PHF12: variants seen among roughly 807,000 people sequenced by gnomAD.
The protein encoded by PHF12 is PHD finger protein 12, also known as PHD factor 1.
Under a neutral mutation model 99.8 loss-of-function variants are expected in PHF12, and 6 were observed. The observed-to-expected ratio is 0.06, with a 90% confidence interval of 0.03 to 0.12. The LOEUF (loss-of-function observed/expected upper bound fraction) is 0.12. Among genes scored for constraint, PHF12 ranks in the 10% least tolerant of loss-of-function variants. PHF12 has a pLI of 1.00. For missense variants in PHF12, 954 were observed against 1,300.1 expected (o/e 0.73, Z 4.09); for synonymous variants, 480 against 514.9 (o/e 0.93, Z 0.92).
chr17:28,910,678 A>G (rs543178630), intron 10 of PHF12: 1 of 433,930 alleles, frequency 2.3e-6, no homozygotes, highest in South Asian at 2.7e-5. Flanking sequence ...GAGGGCCTGG[A>G]TGTCTGATAT....
chr17:28,928,249 A>G (rs553854523), intron 2 of PHF12: 1 of 152,426 alleles, frequency 6.6e-6, no homozygotes, highest in East Asian at 1.9e-4. Context: ...ATCATGTGAA[A>G]CAGAAAAACC....
intron 2 of PHF12, among the ~76,000 whole-genome samples, chr17:28,943,278 C>A (rs76268364): frequency 0.017 from 2,526 of 152,242 alleles, 63 homozygotes; most frequent in African/African-American, 0.058. Flanking sequence ...AGTTACCATA[C>A]GACCCAGCAA....
At chr17:28,944,137 A>T (rs1021862372) in intron 2 of PHF12, among the ~76,000 whole-genome samples, 1 of 152,244 alleles carries the variant, frequency 6.6e-6, no homozygotes, top group African/African-American at 2.4e-5. Flanking sequence ...TTGAACCTTT[A>T]TATCTATTAA....
chr17:28,937,953 C>T (rs145636002), intron 2 of PHF12, among the ~76,000 whole-genome samples: 9 of 152,288 alleles, frequency 5.9e-5, no homozygotes, highest in African/African-American at 9.6e-5. Flanking sequence ...TTTTCTCACA[C>T]TCTTGGGAAC....
intron 2 of PHF12, among the ~76,000 whole-genome samples, chr17:28,945,746 A>AT (rs1385547697): frequency 1.3e-5 from 2 of 152,176 alleles, no homozygotes; most frequent in African/African-American, 2.4e-5. Flanking sequence ...TTTTTAACAG[A>AT]TTTTTTGGGA....
intron 2 of PHF12, among the ~76,000 whole-genome samples, chr17:28,947,778 T>C (rs898015285): frequency 7.9e-5 from 12 of 152,120 alleles, no homozygotes; most frequent in African/African-American, 2.9e-4. Flanking sequence ...GATAAGTCAA[T>C]GGTACATTCA....
At chr17:28,937,475 T>C (rs565621952) in intron 2 of PHF12, among the ~76,000 whole-genome samples, 1 of 152,218 alleles carries the variant, frequency 6.6e-6, no homozygotes, top group African/African-American at 2.4e-5. Context: ...TCAGTGAGAG[T>C]GTTAACAAGG....
chr17:28,931,886 T>G (rs2040416527), intron 2 of PHF12, among the ~76,000 whole-genome samples: 1 of 151,944 alleles, frequency 6.6e-6, no homozygotes, highest in African/African-American at 2.4e-5. Context: ...CTGGCCAAGA[T>G]TTGCTGCTTT....
At chr17:28,923,811 T>C (rs1598137602) in intron 4 of PHF12, 98 bp downstream of exon 4, 7 of 1,392,202 alleles carry the variant, frequency 5.0e-6, no homozygotes, top group Non-Finnish European at 6.8e-6. Context: ...CCCAAGACAG[T>C]AGCTACATGA....
At chr17:28,914,596 C>T (rs1273244505) in intron 7 of PHF12, among the ~76,000 whole-genome samples, 7 of 134,156 alleles carry the variant, frequency 5.2e-5, no homozygotes, top group African/African-American at 8.4e-5. Context: ...GGCATGAACC[C>T]GGGAGGCGGA....
Position 28,950,766 on chromosome 17 carries a change from G to A in PHF12, c.66+129C>T, listed in dbSNP as rs1013637950. Reference sequence around the variant, plus strand: ...CTAAATTGCAAAGAGGGGAGGGAGAGGCTAGGTGAGGAAGAATCCCCCTCC... The same window carrying A: ...CTAAATTGCAAAGAGGGGAGGGAGAAGCTAGGTGAGGAAGAATCCCCCTCC... On this transcript the variant is annotated intron_variant, in intron 1 of 14. Coordinates refer to ENST00000332830, the MANE Select transcript of PHF12 (RefSeq NM_001033561.2). The surrounding 1 kb of genome is among the most constrained non-coding windows in gnomAD (Gnocchi z 5.7). 1.0e-5 allele frequency: 14 copies of A among 1,353,298 alleles called. No homozygotes were observed. Among genetic ancestry groups the A allele is most frequent in the African/African-American group, 3.0e-5 (2 of 67,182 alleles). 83.8% of individuals were successfully genotyped at this position (1,353,298 alleles called of 1,614,324 possible).
rs1314988328 is a variant in PHF12 at position 28,905,631 on chromosome 17, G to C, written c.*552C>G. 2 of 152,660 alleles carry C rather than the reference G, an allele frequency of 1.3e-5. No homozygotes were observed. Among genetic ancestry groups the C allele is most frequent in the African/African-American group, 4.8e-5 (2 of 41,434 alleles). 9.5% of individuals were successfully genotyped at this position (152,660 alleles called of 1,614,324 possible). On this transcript the variant is annotated 3_prime_UTR_variant, in exon 15 of 15. Transcript: ENST00000332830. ...ATTTCTCATTTGTCCATAATACACAGTAGCTACCTGTAGTGCAACCGCTGC... is the reference window on the plus strand; with the variant it reads ...ATTTCTCATTTGTCCATAATACACACTAGCTACCTGTAGTGCAACCGCTGC...
chr17:28,906,166 C>T lies in PHF12; in HGVS notation c.*17G>A, dbSNP rs376336821. On this transcript the variant is annotated 3_prime_UTR_variant, in exon 15 of 15. Transcript: ENST00000332830. This position sits in a 1 kb window ranked among gnomAD's most constrained non-coding sequence, Gnocchi z 4.2. ...CTTGGGTGGGTGTACAGGCCAGTGG[C>T]GGGGTAGCCGCCAGTCCTAAGGAAC... 3.6e-5 allele frequency: 56 copies of T among 1,544,338 alleles called. No individual in the cohort carries two copies. Among genetic ancestry groups the T allele is most frequent in the Non-Finnish European group, 4.6e-5 (52 of 1,140,484 alleles).
chr17:28,911,906 G>T (rs1314848916), intron 9 of PHF12, among the ~76,000 whole-genome samples: 3 of 152,244 alleles, frequency 2.0e-5, no homozygotes, highest in Non-Finnish European at 4.4e-5. Context: ...CCGCCCTTTG[G>T]CATGTGGCCT....
In PHF12 at chr17:28,950,725, G is replaced by A. The variant is rs2040794955; in HGVS notation, c.66+170C>T. 1 of 958,972 alleles carries A rather than the reference G, an allele frequency of 1.0e-6. No homozygotes were observed. The highest frequency in any genetic ancestry group is 1.4e-6 in the Non-Finnish European group (1 of 690,968). The allele number at this position is 958,972 out of a possible 1,614,324, so 59.4% of individuals were successfully genotyped here. A position where few individuals can be genotyped will look rare whatever the true frequency, so the allele number is the denominator to read the frequency against. ...TGAAACTGCTGCAAACGTCCTCGGA[G>A]GCTGAGCTCAGCCCCCTAAATTGCA... On this transcript the variant is annotated intron_variant, in intron 1 of 14. Coordinates refer to ENST00000332830, the MANE Select transcript of PHF12 (RefSeq NM_001033561.2). The surrounding 1 kb of genome is among the most constrained non-coding windows in gnomAD (Gnocchi z 5.7).
Position 28,905,516 on chromosome 17 carries a change from A to C in PHF12, c.*667T>G, listed in dbSNP as rs1052446607. The C allele has an allele frequency of 6.6e-6, 1 of 152,576 alleles. No individual in the cohort carries two copies. Among genetic ancestry groups the C allele is most frequent in the African/African-American group, 2.4e-5 (1 of 41,444 alleles). The allele number at this position is 152,576 out of a possible 1,614,324, so 9.5% of individuals were successfully genotyped here. ...GTACACGGTTTTTAAAAACATTGAAAAAATGTCATCACTAGATGTATTTAC... is the reference window on the plus strand; with the variant it reads ...GTACACGGTTTTTAAAAACATTGAACAAATGTCATCACTAGATGTATTTAC... On this transcript the variant is annotated 3_prime_UTR_variant, in exon 15 of 15. Transcript: ENST00000332830.
chr17:28,922,607 C>A (rs1371433516), intron 4 of PHF12, among the ~76,000 whole-genome samples: 2 of 152,102 alleles, frequency 1.3e-5, no homozygotes, highest in Non-Finnish European at 2.9e-5. Flanking sequence ...TAGACATAGT[C>A]ACACATCTAT....
intron 2 of PHF12, chr17:28,929,592 A>G (rs2040358069): frequency 6.6e-6 from 1 of 152,178 alleles, no homozygotes; most frequent in Non-Finnish European, 1.5e-5. Flanking sequence ...TACCATTTCT[A>G]CATAAAATAG....
At position 28,949,901 on chromosome 17, in the gene PHF12, A is replaced by G. The variant is rs141855339; in HGVS notation, c.248+164T>C. The G allele has an allele frequency of 0.014, 10,776 of 777,268 alleles. 136 individuals carry two copies. Among genetic ancestry groups the G allele is most frequent in the Middle Eastern group, 0.025 (65 of 2,574 alleles). The allele number at this position is 777,268 out of a possible 1,614,324, so 48.1% of individuals were successfully genotyped here. On this transcript the variant is annotated intron_variant, in intron 2 of 14. Coordinates refer to ENST00000332830, the MANE Select transcript of PHF12 (RefSeq NM_001033561.2). This position sits in a 1 kb window ranked among gnomAD's most constrained non-coding sequence, Gnocchi z 4.6. ...TGCTCCTCCCCGCTAAACTGCCAGA[A>G]CCCGGCGGACACCTGGGGGCGGGGA...
Sources: gnomAD v4.1 joint callset for allele counts (sites outside exome capture counted in the v4.1 genomes callset) on GRCh38, gnomAD v4.1.1 for gene constraint, Gnocchi (gnomAD v3.1) non-coding constraint, MANE v1.5 for transcripts, NCBI Gene and HGNC (gene_info 2026-07-23, HGNC 2026-07-21) for gene names.